The following SLC43A1 variants were observed in gnomAD, a reference collection of about 807,000 sequenced individuals.
The protein encoded by SLC43A1 is solute carrier family 43 member 1.
Under a neutral mutation model 59.5 loss-of-function variants are expected in SLC43A1, and 31 were observed. That is an observed-to-expected ratio of 0.52 (90% confidence interval 0.39 to 0.70). SLC43A1 has a LOEUF of 0.70. Ranked by LOEUF, SLC43A1 falls within the 30% of genes least tolerant of loss-of-function variation. The probability of loss-of-function intolerance (pLI) is 0.00; values close to 1 mark genes in which losing one functional copy is unlikely to be tolerated. For synonymous variants in SLC43A1, 259 were observed against 290.9 expected, an observed-to-expected ratio of 0.89 and a Z score of 1.12; for missense variants, 598 against 717.8, an observed-to-expected ratio of 0.83 and a Z score of 1.91.
intron 13 of SLC43A1, among the ~76,000 whole-genome samples, chr11:57,488,353 G>A (rs2135145774): frequency 6.6e-6 from 1 of 152,308 alleles, no homozygotes; most frequent in South Asian, 2.1e-4. Flanking sequence ...TTGAGCAGAT[G>A]AAGGAAAGAG....
intron 2 of SLC43A1, 103 bp from the exon 3 acceptor site, chr11:57,501,432 A>G: frequency 7.9e-7 from 1 of 1,264,576 alleles, no homozygotes; most frequent in East Asian, 2.4e-5. Flanking sequence ...TCCCATGCCA[A>G]GTGCCTTTGG....
chr11:57,487,128 C>T lies in SLC43A1; in HGVS notation c.1500G>A (p.Ala500=). 1.2e-6 allele frequency: 2 copies of T among 1,614,082 alleles called. No homozygotes were observed. The highest frequency in any genetic ancestry group is 1.7e-6 in the Non-Finnish European group (2 of 1,180,010). The change falls in exon 14 of 15, where the codon GCG becomes GCA. Residue 500 remains alanine, a synonymous_variant. Transcript: ENST00000278426. The part of the protein sequence containing the change: ...FALLQQPLFM[A]MVGPLKGEPF... ...GCTCTCCTTTCAGGGGTCCCACCAT[C>T]GCCATGAAAAGTGGCTGCTGAAGCA...
chr11:57,507,755 T>C (rs1239564166), intron 2 of SLC43A1, among the ~76,000 whole-genome samples: 4 of 152,334 alleles, frequency 2.6e-5, no homozygotes, highest in South Asian at 2.1e-4. Context: ...GGAAGAAAGG[T>C]TGACAATTGT....
chr11:57,502,354 C>G (rs1944288836), intron 2 of SLC43A1, among the ~76,000 whole-genome samples: 1 of 152,222 alleles, frequency 6.6e-6, no homozygotes, highest in African/African-American at 2.4e-5. Context: ...TAAACCGGAC[C>G]AAAGAATGCC....
rs772566521 is a variant in SLC43A1 at position 57,513,929 on chromosome 11, C to CA, written c.154+28dup. 2.6e-6 allele frequency: 3 copies of CA among 1,163,218 alleles called. No individual in the cohort carries two copies. The Admixed American group carries it at 5.7e-5, about 22-fold the overall frequency. The allele number at this position is 1,163,218 out of a possible 1,614,324, so 72.1% of individuals were successfully genotyped here. ...CCTGCCCCTTTGCCATCCCTCCCCC[C>CA]AGCCCACCCAGCCCATTTTCAGGCA... On this transcript the variant is annotated intron_variant, in intron 2 of 14. Coordinates refer to ENST00000278426, the MANE Select transcript of SLC43A1 (RefSeq NM_003627.6).
intron 11 of SLC43A1, among the ~76,000 whole-genome samples, chr11:57,489,979 C>T (rs1388753888): frequency 2.0e-5 from 3 of 152,054 alleles, no homozygotes; most frequent in Admixed American, 6.5e-5. Flanking sequence ...ACAGAAGGGC[C>T]CTGCTAGGGG....
chr11:57,485,707 G>A (rs772297625), intron 14 of SLC43A1, among the ~76,000 whole-genome samples: 10 of 152,170 alleles, frequency 6.6e-5, no homozygotes, highest in Non-Finnish European at 8.8e-5. Flanking sequence ...CAGGACACGC[G>A]GGCTCTGACT....
At chr11:57,497,925 GC>G in intron 5 of SLC43A1, 80 bp from the exon 6 acceptor site, 1 of 1,061,474 alleles carries the variant, frequency 9.4e-7, no homozygotes, top group Non-Finnish European at 1.4e-6. Flanking sequence ...CCATACAATA[GC>G]CCCAGGAGAC....
chr11:57,504,346 C>T (rs773781021), intron 2 of SLC43A1, among the ~76,000 whole-genome samples: 7 of 152,200 alleles, frequency 4.6e-5, no homozygotes, highest in Non-Finnish European at 8.8e-5. Context: ...TCTACACCTG[C>T]CCTGCTTTAC....
At chr11:57,504,152 G>A (rs958973364) in intron 2 of SLC43A1, among the ~76,000 whole-genome samples, 1 of 152,104 alleles carries the variant, frequency 6.6e-6, no homozygotes, top group Non-Finnish European at 1.5e-5. Flanking sequence ...AGCCGAGATC[G>A]CGCCACTGCA....
chr11:57,497,909 C>T, intron 5 of SLC43A1, 64 bp from the exon 6 acceptor site: 1 of 1,276,530 alleles, frequency 7.8e-7, no homozygotes, highest in South Asian at 1.2e-5. Flanking sequence ...CATTCCCAGC[C>T]CTGCTCCATA....
chr11:57,492,770 G>A (rs1418151601), intron 8 of SLC43A1, among the ~76,000 whole-genome samples: 4 of 144,298 alleles, frequency 2.8e-5, no homozygotes, highest in Middle Eastern at 3.7e-3. Context: ...GGCAGGGCAC[G>A]GTGGCTCACA....
At position 57,494,119 on chromosome 11, in the gene SLC43A1, G is replaced by A. The variant is rs368344951; in HGVS notation, c.745C>T (p.Leu249Phe). ...ATGGTGGTCACATGGGTGTAGAAGA[G>A]GTCACCTGTCACCTTGTGGTCCAGG... is the stretch of plus-strand genomic sequence containing the variant. ...LALDHKVTGD[L>F]FYTHVTTMGQ... The change falls in exon 8 of 15, where the codon CTC becomes TTC. Residue 249 changes from leucine (L) to phenylalanine (F), a missense_variant. By Grantham distance (22) the Leu-to-Phe change is conservative (BLOSUM62 0). Transcript: ENST00000278426. The A allele has an allele frequency of 1.2e-5, 19 of 1,610,900 alleles. No individual in the cohort carries two copies. The African/African-American group carries it at 2.5e-4, about 22-fold the overall frequency.
chr11:57,514,076 G>T lies in SLC43A1; in HGVS notation c.36C>A (p.Arg12=). 1 of 1,604,332 alleles carries T rather than the reference G, an allele frequency of 6.2e-7. No individual in the cohort carries two copies. Among genetic ancestry groups the T allele is most frequent in the Non-Finnish European group, 8.5e-7 (1 of 1,175,614 alleles). The change falls in exon 2 of 15, where the codon CGC becomes CGA. Residue 12 remains arginine, a synonymous_variant. Transcript: ENST00000278426. The surrounding 1 kb of genome is among the most constrained non-coding windows in gnomAD (Gnocchi z 5.5). ...GCACAGCCGTGCAGGCCATCCACCA[G>T]CGCCTCCGGTACGCCTGTTGCAGCG... ...APTLQQAYRR[R]WWMACTAVLE... is the part of the protein sequence containing the mutation.
chr11:57,497,790 G>C lies in SLC43A1; in HGVS notation c.521C>G (p.Ser174Cys). The C allele has an allele frequency of 6.2e-7, 1 of 1,613,894 alleles. No homozygotes were observed. The highest frequency in any genetic ancestry group is 1.1e-5 in the South Asian group (1 of 91,060). The change falls in exon 6 of 15, where the codon TCT becomes TGT. Residue 174 changes from serine to cysteine, a missense_variant. Transcript: ENST00000278426. ...GAACGTAATGGCAGAAGAGGCGTAAGAGCCAATCATGAGGGCCATTAACGT... is the reference window on the plus strand; with the variant it reads ...GAACGTAATGGCAGAAGAGGCGTAACAGCCAATCATGAGGGCCATTAACGT... ...RSTLMALMIG[S>C]YASSAITFPG...
chr11:57,492,544 A>G (rs1486352330), intron 8 of SLC43A1, among the ~76,000 whole-genome samples: 1 of 16,764 alleles, frequency 6.0e-5, no homozygotes, highest in Non-Finnish European at 1.1e-4. Context: ...GTGTATATAT[A>G]TATATATATA....
At position 57,491,572 on chromosome 11, in the gene SLC43A1, C is replaced by T; in HGVS notation, c.1054+19G>A. 3.1e-6 allele frequency: 5 copies of T among 1,613,920 alleles called. No homozygotes were observed. The highest frequency in any genetic ancestry group is 2.2e-5 in the South Asian group (2 of 91,074). ...CAGTGGGGTGGGCGTGAGCCAGGGC[C>T]CTGCTTTCATAGCCCTACCTGTCTC... On this transcript the variant is annotated intron_variant, in intron 10 of 14. Coordinates refer to ENST00000278426, the MANE Select transcript of SLC43A1 (RefSeq NM_003627.6).
intron 11 of SLC43A1, among the ~76,000 whole-genome samples, chr11:57,490,438 A>G (rs918230694): frequency 5.3e-5 from 8 of 152,112 alleles, no homozygotes; most frequent in South Asian, 2.1e-4. Context: ...CTCTGTGCCT[A>G]TAATAGAACG....
intron 7 of SLC43A1, 106 bp downstream of exon 7, chr11:57,495,925 A>G: frequency 7.6e-7 from 1 of 1,319,396 alleles, no homozygotes; most frequent in Non-Finnish European, 1.0e-6. Context: ...TTTGCCAAGC[A>G]GAGGTCCAAG....
Sources: gnomAD v4.1 joint callset for allele counts (sites outside exome capture counted in the v4.1 genomes callset) on GRCh38, gnomAD v4.1.1 for gene constraint, Gnocchi (gnomAD v3.1) non-coding constraint, MANE v1.5 for transcripts, NCBI Gene and HGNC (gene_info 2026-07-23, HGNC 2026-07-21) for gene names.